Variants in TUT7 observed in about 807,000 individuals in gnomAD.
The protein encoded by TUT7 is terminal uridylyl transferase 7.
In TUT7, 33 loss-of-function variants were observed where a neutral mutation model predicts 165.9. That is an observed-to-expected ratio of 0.20 (90% CI 0.15 to 0.27). The LOEUF is 0.27. Ranked by LOEUF, TUT7 falls within the 10% of genes least tolerant of loss-of-function variation. The pLI is 1.00. For synonymous variants in TUT7, 552 were observed against 608.1 expected (o/e 0.91, Z 1.36); for missense variants, 1,338 against 1,762.3 (o/e 0.76, Z 4.31).
intron 26 of TUT7, among the ~76,000 whole-genome samples, chr9:86,296,471 G>A (rs1221023696): frequency 6.6e-6 from 1 of 152,184 alleles, no homozygotes; most frequent in Non-Finnish European, 1.5e-5. Flanking sequence ...CGAAGAGCAA[G>A]GACATTCATG....
chr9:86,346,337 C>T lies in TUT7; in HGVS notation c.664G>A (p.Glu222Lys), dbSNP rs766822670. The change falls in exon 3 of 27, where the codon GAG (glutamate) becomes AAG (lysine). Residue 222 changes from glutamate (E) to lysine (K), a missense_variant. This residue lies in a region of TUT7 where 434 missense variants were observed against 480.8 expected (regional missense o/e 0.90). Transcript: ENST00000375963. ...TCAATGCAGTCTCTCTTCAGTCTCT[C>T]CTCAGCCTGCTGTAAGCCTAGCAGC... The part of the protein sequence containing the change: ...KELLGLQQAE[E>K]RLKRDCIDRL... The T allele has an allele frequency of 1.9e-6, 3 of 1,613,900 alleles. No homozygotes were observed. The highest frequency in any genetic ancestry group is 2.7e-5 in the African/African-American group (2 of 74,890).
At chr9:86,340,928 CA>C in intron 7 of TUT7, 73 bp downstream of exon 7, 1 of 1,198,230 alleles carries the variant, frequency 8.3e-7, no homozygotes, top group Non-Finnish European at 1.2e-6. Context: ...TTGCTATTTT[CA>C]AAGTTTGAGA....
At chr9:86,344,031 C>T (rs1754740852) in intron 5 of TUT7, among the ~76,000 whole-genome samples, 1 of 152,126 alleles carries the variant, frequency 6.6e-6, no homozygotes, top group Admixed American at 6.5e-5. Flanking sequence ...TCAGGAAATA[C>T]ATGTATAATA....
At chr9:86,326,299 A>C (rs1001486415) in intron 11 of TUT7, 17 of 153,948 alleles carry the variant, frequency 1.1e-4, no homozygotes, top group African/African-American at 4.1e-4. Context: ...GCTGTGTATG[A>C]TCTGGGTCAA....
At chr9:86,309,164 A>G (rs1324542634) in intron 21 of TUT7, 48 bp downstream of exon 21, 3 of 1,193,106 alleles carry the variant, frequency 2.5e-6, no homozygotes, top group East Asian at 2.3e-5. Context: ...TAGTATAGCT[A>G]ATTTTTAGTC....
At chr9:86,305,679 T>G (rs1827398225) in intron 22 of TUT7, among the ~76,000 whole-genome samples, 1 of 152,238 alleles carries the variant, frequency 6.6e-6, no homozygotes, top group Non-Finnish European at 1.5e-5. Flanking sequence ...GCACTAAATG[T>G]TCCCACTATG....
intron 10 of TUT7, among the ~76,000 whole-genome samples, chr9:86,333,725 C>T (rs1275262210): frequency 6.6e-6 from 1 of 152,202 alleles, no homozygotes. Context: ...AGTTCTGACA[C>T]ATGCTCTGTC....
chr9:86,299,422 AAG>A (rs1235303790), intron 26 of TUT7, among the ~76,000 whole-genome samples: 1 of 152,202 alleles, frequency 6.6e-6, no homozygotes, highest in Non-Finnish European at 1.5e-5. Flanking sequence ...CTGAAGAAAC[AAG>A]AGAGAGCAGC....
intron 10 of TUT7, chr9:86,337,212 A>C (rs1587984355): frequency 1.9e-6 from 1 of 534,414 alleles, no homozygotes; most frequent in East Asian, 3.8e-5. Flanking sequence ...GAAAGGTAAT[A>C]ATATCCCTAA....
rs972506292 is a variant in TUT7, at chr9:86,346,927, T to C, written c.521-447A>G. Among the ~76,000 whole-genome samples the C allele has an allele frequency of 5.9e-5, 9 of 152,320 alleles. No individual in the cohort carries two copies. In the East Asian group the frequency reaches 1.7e-3, roughly 29 times the overall value. ...TTAAAACCAGCCACATTTGCTTTCA[T>C]CTTCTATAAGTGAACAATCTCAATA... On this transcript the variant is annotated intron_variant, in intron 2 of 26. Coordinates refer to ENST00000375963, the MANE Select transcript of TUT7 (RefSeq NM_024617.4).
At chr9:86,338,792 A>C (rs1195451439) in intron 9 of TUT7, 31 bp downstream of exon 9, 2 of 1,552,276 alleles carry the variant, frequency 1.3e-6, no homozygotes, top group South Asian at 2.5e-5. Flanking sequence ...CATATGTAGA[A>C]TGTATTCATG....
intron 4 of TUT7, 41 bp from the exon 5 acceptor site, chr9:86,345,195 T>G (rs1027030973): frequency 1.9e-6 from 3 of 1,573,136 alleles, no homozygotes; most frequent in Non-Finnish European, 2.6e-6. Context: ...GACTTACACA[T>G]AGTTTTGACC....
At chr9:86,292,101 G>A (rs921496795) in intron 26 of TUT7, among the ~76,000 whole-genome samples, 1 of 152,192 alleles carries the variant, frequency 6.6e-6, no homozygotes, top group Non-Finnish European at 1.5e-5. Context: ...ACTATTCACA[G>A]GCACTATCAT....
Position 86,301,505 on chromosome 9 carries a change from C to T in TUT7, c.4191G>A (p.Lys1397=), listed in dbSNP as rs370199927. The change falls in exon 26 of 27, where the codon AAG becomes AAA. Residue 1397 remains lysine (K), a synonymous_variant. Coordinates refer to ENST00000375963, the MANE Select transcript of TUT7 (RefSeq NM_024617.4). ...RSKEDKEIHN[K]YTEREVSTKE... is the part of the protein sequence containing the mutation. ...TTGTTGACACCTCCCTTTCTGTGTA[C>T]TTGTTGTGAATTTCTTTGTCCTCTT... The T allele has an allele frequency of 2.2e-5, 35 of 1,613,932 alleles. No individual in the cohort carries two copies. In the African/African-American group the frequency reaches 4.4e-4, roughly 20 times the overall value.
rs529049229 is a variant in TUT7 at position 86,335,537 on chromosome 9, A to C, written c.1455+1882T>G. On this transcript the variant is annotated intron_variant, in intron 10 of 26. Coordinates refer to ENST00000375963, the MANE Select transcript of TUT7 (RefSeq NM_024617.4). ...AGATCAGAGAACACAGGCACAATAC[A>C]CTAAACTTCCTGACAGGGAATTTGG... Among the ~76,000 whole-genome samples the C allele has an allele frequency of 2.0e-5, 3 of 152,286 alleles. No homozygotes were observed. In the East Asian group the frequency reaches 5.8e-4, roughly 29 times the overall value.
intron 5 of TUT7, 56 bp downstream of exon 5, chr9:86,344,921 A>T: frequency 7.1e-7 from 1 of 1,404,342 alleles, no homozygotes; most frequent in Non-Finnish European, 9.8e-7. Context: ...TATTGGTAGG[A>T]GAAATGAATG....
At position 86,311,754 on chromosome 9, in the gene TUT7, C is replaced by A. The variant is rs943677025; in HGVS notation, c.3275-945G>T. On this transcript the variant is annotated intron_variant, in intron 17 of 26. Transcript: ENST00000375963. The surrounding 1 kb of genome is among the most constrained non-coding windows in gnomAD (Gnocchi z 4.4). Reference sequence around the variant, plus strand: ...CCTGCCTCAGCCTGCCGAGTGCCTGCGATTGCAGGTGCGCGCCGCCACGCC... The same window carrying A: ...CCTGCCTCAGCCTGCCGAGTGCCTGAGATTGCAGGTGCGCGCCGCCACGCC... Among the ~76,000 whole-genome samples, 2 of 151,938 alleles carry A rather than the reference C, an allele frequency of 1.3e-5. No individual in the cohort carries two copies. The highest frequency in any genetic ancestry group is 2.0e-4 in the East Asian group (1 of 5,128).
chr9:86,304,355 C>T (rs1400809656), intron 24 of TUT7, among the ~76,000 whole-genome samples: 2 of 152,112 alleles, frequency 1.3e-5, no homozygotes, highest in East Asian at 1.9e-4. Flanking sequence ...CATAATTTTG[C>T]TTTGTTTTCA....
intron 1 of TUT7, 125 bp downstream of exon 1, chr9:86,354,146 G>C (rs1213299498): frequency 6.6e-6 from 1 of 152,448 alleles, no homozygotes; most frequent in Non-Finnish European, 1.5e-5. Flanking sequence ...CGTCTTCTGC[G>C]CCCGCAGTCT....
Sources: allele counts gnomAD v4.1 joint callset (sites outside exome capture counted in the v4.1 genomes callset), GRCh38; gene constraint gnomAD v4.1.1; regional missense constraint gnomAD v4.1.1; non-coding constraint Gnocchi (gnomAD v3.1); transcripts MANE v1.5; gene names NCBI Gene and HGNC (gene_info 2026-07-23, HGNC 2026-07-21).